Variants in FOCAD observed in about 807,000 individuals in gnomAD.
FOCAD encodes focadhesin.
A neutral mutation model predicts 225.6 loss-of-function variants in FOCAD; 198 were observed. The observed-to-expected ratio is 0.88, with a 90% confidence interval of 0.78 to 0.99. FOCAD has a LOEUF of 0.99. Ranked by LOEUF, FOCAD falls within the 50% of genes least tolerant of loss-of-function variation. The pLI, the probability that FOCAD is intolerant of heterozygous loss-of-function variation, is 0.00. For synonymous variants in FOCAD, 897 were observed against 755.0 expected, an observed-to-expected ratio of 1.19 and a Z score of -3.08; for missense variants, 2,713 against 2,123.6, an observed-to-expected ratio of 1.28 and a Z score of -5.46.
intron 18 of FOCAD, among the ~76,000 whole-genome samples, chr9:20,871,941 A>C (rs1047008793): frequency 1.3e-5 from 2 of 151,508 alleles, no homozygotes; most frequent in African/African-American, 4.8e-5. Context: ...TTAAAAAAAA[A>C]AGAAGTGATC....
At chr9:20,796,977 A>T (rs988261267) in intron 11 of FOCAD, among the ~76,000 whole-genome samples, 17 of 152,030 alleles carry the variant, frequency 1.1e-4, no homozygotes, top group Admixed American at 3.3e-4. Context: ...TAATCCATCT[A>T]GAATTAATTT....
chr9:20,792,523 A>C (rs1820640471), intron 11 of FOCAD, among the ~76,000 whole-genome samples: 1 of 152,198 alleles, frequency 6.6e-6, no homozygotes, highest in Non-Finnish European at 1.5e-5. Flanking sequence ...TGCCTCTTTC[A>C]AATTCTTGTT....
intron 11 of FOCAD, among the ~76,000 whole-genome samples, chr9:20,792,570 C>G (rs1820643653): frequency 6.6e-6 from 1 of 152,194 alleles, no homozygotes; most frequent in Non-Finnish European, 1.5e-5. Flanking sequence ...GCAGTAGAGT[C>G]ATGCTTATTT....
chr9:20,876,557 C>T (rs2131807664), intron 19 of FOCAD, among the ~76,000 whole-genome samples: 1 of 152,106 alleles, frequency 6.6e-6, no homozygotes, highest in East Asian at 1.9e-4. Context: ...GTGCCTTCGA[C>T]TGAGAAAGAA....
chr9:20,936,990 A>G (rs1836042630), intron 28 of FOCAD, among the ~76,000 whole-genome samples: 1 of 152,092 alleles, frequency 6.6e-6, no homozygotes, highest in East Asian at 1.9e-4. Flanking sequence ...TGCTTCAAAG[A>G]GAATAAAATA....
At chr9:20,735,365 T>G (rs1827062868) in intron 4 of FOCAD, among the ~76,000 whole-genome samples, 1 of 152,188 alleles carries the variant, frequency 6.6e-6, no homozygotes, top group African/African-American at 2.4e-5. Context: ...GCAATTGCTT[T>G]AATCTTTATA....
At chr9:20,938,750 A>G (rs1158420290) in intron 28 of FOCAD, among the ~76,000 whole-genome samples, 3 of 152,086 alleles carry the variant, frequency 2.0e-5, no homozygotes, top group Non-Finnish European at 2.9e-5. Flanking sequence ...AAGATTGTAG[A>G]TATATTAAAA....
chr9:20,991,744 C>G (rs1456544480), intron 42 of FOCAD, among the ~76,000 whole-genome samples: 2 of 137,380 alleles, frequency 1.5e-5, no homozygotes, highest in East Asian at 2.2e-4. Flanking sequence ...ACGCAGGAGG[C>G]GGAGGTTGCA....
chr9:20,912,829 C>G, intron 22 of FOCAD, 37 bp from the exon 23 acceptor site: 3 of 1,529,494 alleles, frequency 2.0e-6, no homozygotes, highest in Non-Finnish European at 2.7e-6. Context: ...CTTCAGCCAT[C>G]GAGTTCACAT....
intron 4 of FOCAD, among the ~76,000 whole-genome samples, chr9:20,729,306 T>TGCCTTGTG (rs558535036): frequency 2.0e-5 from 3 of 152,214 alleles, no homozygotes; most frequent in Non-Finnish European, 4.4e-5. Flanking sequence ...TGACATTCCT[T>TGCCTTGTG]GCCTTGTGGC....
intron 39 of FOCAD, 23 bp from the exon 40 acceptor site, chr9:20,986,265 A>ATTTTTTTTTTTT: frequency 2.2e-6 from 1 of 457,022 alleles, no homozygotes; most frequent in African/African-American, 5.1e-5. Context: ...GTAACTAAAC[A>ATTTTTTTTTTTT]ATTTTTTTTT....
chr9:20,906,300 A>T lies in FOCAD; in HGVS notation c.2626-850A>T, dbSNP rs373917103. The stretch of plus-strand genomic sequence containing the variant: ...GTTATCATGATTCTGGTGTAATTAC[A>T]TACAAATTTGTTTTCTCTCTCACTC... On this transcript the variant is annotated intron_variant, in intron 21 of 43. Coordinates refer to ENST00000338382, the MANE Select transcript of FOCAD (RefSeq NM_001375567.1). Among the ~76,000 whole-genome samples, 4 of 151,914 alleles carry T rather than the reference A, an allele frequency of 2.6e-5. No homozygotes were observed. The East Asian group carries it at 5.8e-4, about 22-fold the overall frequency.
chr9:20,898,876 G>A (rs1451893528), intron 21 of FOCAD, among the ~76,000 whole-genome samples: 1 of 151,968 alleles, frequency 6.6e-6, no homozygotes, highest in Non-Finnish European at 1.5e-5. Context: ...GGGGAGTAGA[G>A]TCATTCCATA....
intron 4 of FOCAD, among the ~76,000 whole-genome samples, chr9:20,727,439 C>G (rs954995434): frequency 2.1e-4 from 32 of 152,140 alleles, no homozygotes; most frequent in African/African-American, 7.5e-4. Flanking sequence ...CAGAAGAAAT[C>G]AGGCCATTTT....
At chr9:20,774,578 T>C (rs939328486) in intron 8 of FOCAD, among the ~76,000 whole-genome samples, 1 of 152,222 alleles carries the variant, frequency 6.6e-6, no homozygotes, top group African/African-American at 2.4e-5. Context: ...TTACTAACTT[T>C]AAAAAATATT....
chr9:20,883,250 A>C (rs1830829877), intron 20 of FOCAD, among the ~76,000 whole-genome samples: 1 of 152,242 alleles, frequency 6.6e-6, no homozygotes, highest in Non-Finnish European at 1.5e-5. Context: ...CATACTTTCA[A>C]AATATATGAC....
intron 1 of FOCAD, chr9:20,684,773 G>C (rs1822559500): frequency 6.6e-6 from 1 of 152,402 alleles, no homozygotes; most frequent in African/African-American, 2.4e-5. Flanking sequence ...CATTCCCGGT[G>C]ACTCACTCAG....
chr9:20,671,550 T>C (rs1822064019), intron 2 of FOCAD, among the ~76,000 whole-genome samples: 1 of 152,188 alleles, frequency 6.6e-6, no homozygotes, highest in African/African-American at 2.4e-5. Flanking sequence ...TTTCCACCTA[T>C]TGGCCGTCCT....
chr9:20,739,431 T>G (rs1827418704), intron 4 of FOCAD, among the ~76,000 whole-genome samples: 1 of 151,938 alleles, frequency 6.6e-6, no homozygotes, highest in Non-Finnish European at 1.5e-5. Flanking sequence ...TGGTGAAACC[T>G]TGTCTCTACT....
Sources: allele counts gnomAD v4.1 joint callset (sites outside exome capture counted in the v4.1 genomes callset), GRCh38; gene constraint gnomAD v4.1.1; transcripts MANE v1.5; gene names NCBI Gene and HGNC (gene_info 2026-07-23, HGNC 2026-07-21).